CADPS: variants seen among roughly 807,000 people sequenced by gnomAD.
The protein encoded by CADPS is calcium dependent secretion activator, also known as calcium-dependent secretion activator 1.
Under a neutral mutation model 167.3 loss-of-function variants are expected in CADPS, and 57 were observed. That is an observed-to-expected ratio of 0.34 (90% CI 0.28 to 0.42). The LOEUF (loss-of-function observed/expected upper bound fraction) is 0.42. CADPS is among the 20% of genes least tolerant of loss of function. CADPS has a pLI of 1.00. For synonymous variants in CADPS, 676 were observed against 635.3 expected (o/e 1.06, Z -0.96); for missense variants, 1,414 against 1,738.1 (o/e 0.81, Z 3.32).
Position 62,484,034 on chromosome 3 carries a change from C to T in CADPS, c.3027-2165G>A, listed in dbSNP as rs1380764779. 2.0e-5 allele frequency among the ~76,000 whole-genome samples: 3 copies of T among 152,208 alleles called. No homozygotes were observed. In the South Asian group the frequency reaches 6.2e-4, roughly 32 times the overall value. ...GGCGGGTACACAAATTAGAAGCAAGCTTCATTTTGCACACAAAAATAAAAA... is the reference window on the plus strand; with the variant it reads ...GGCGGGTACACAAATTAGAAGCAAGTTTCATTTTGCACACAAAAATAAAAA... On this transcript the variant is annotated intron_variant, in intron 21 of 29. Transcript: ENST00000383710.
At chr3:62,473,269 G>T (rs2060847281) in intron 24 of CADPS, among the ~76,000 whole-genome samples, 1 of 152,080 alleles carries the variant, frequency 6.6e-6, no homozygotes, top group African/African-American at 2.4e-5. Context: ...GGGGAAACAA[G>T]GTTGAAGATG....
intron 22 of CADPS, among the ~76,000 whole-genome samples, chr3:62,479,923 A>G (rs2061780572): frequency 6.6e-6 from 1 of 152,174 alleles, no homozygotes; most frequent in Non-Finnish European, 1.5e-5. Flanking sequence ...AACTTTGTCT[A>G]GTCTAAGCCC....
intron 3 of CADPS, among the ~76,000 whole-genome samples, chr3:62,744,371 G>C (rs2080993676): frequency 6.6e-6 from 1 of 151,516 alleles, no homozygotes; most frequent in Non-Finnish European, 1.5e-5. Context: ...AAAAAAAAAG[G>C]ATTGAAACAC....
intron 3 of CADPS, among the ~76,000 whole-genome samples, chr3:62,729,080 C>A (rs1418767667): frequency 3.3e-5 from 5 of 151,912 alleles, no homozygotes; most frequent in African/African-American, 1.2e-4. Context: ...TTGTATTTAA[C>A]CCCTTGGCCT....
Position 62,465,847 on chromosome 3 carries a change from C to G in CADPS, c.3553-397G>C, listed in dbSNP as rs1279823439. ...TATTTTATCAGTAATTTGGGGGAAACAGAAGTTTAGCACTGGCAAATATAA... is the reference window on the plus strand; with the variant it reads ...TATTTTATCAGTAATTTGGGGGAAAGAGAAGTTTAGCACTGGCAAATATAA... On this transcript the variant is annotated intron_variant, in intron 25 of 29. Transcript: ENST00000383710. The surrounding 1 kb of genome is among the most constrained non-coding windows in gnomAD (Gnocchi z 4.1). Among the ~76,000 whole-genome samples, 2 of 152,184 alleles carry G rather than the reference C, an allele frequency of 1.3e-5. No individual in the cohort carries two copies. Among genetic ancestry groups the G allele is most frequent in the Non-Finnish European group, 2.9e-5 (2 of 68,032 alleles).
intron 7 of CADPS, 47 bp from the exon 8 acceptor site, chr3:62,585,371 T>C: frequency 6.4e-7 from 1 of 1,574,558 alleles, no homozygotes; most frequent in South Asian, 1.2e-5. Context: ...AGCACCATTA[T>C]GTTTTTATAG....
intron 6 of CADPS, among the ~76,000 whole-genome samples, chr3:62,627,316 T>C (rs1029111528): frequency 1.3e-5 from 2 of 152,194 alleles, no homozygotes; most frequent in Admixed American, 6.6e-5. Flanking sequence ...AAATCTCTCT[T>C]TTTAATTTTC....
At chr3:62,672,948 T>C (rs2075790305) in intron 3 of CADPS, among the ~76,000 whole-genome samples, 1 of 152,170 alleles carries the variant, frequency 6.6e-6, no homozygotes, top group African/African-American at 2.4e-5. Flanking sequence ...CAGTAAATCA[T>C]TAACCCAAAG....
chr3:62,700,666 C>G (rs1312440277), intron 3 of CADPS, among the ~76,000 whole-genome samples: 4 of 152,078 alleles, frequency 2.6e-5, no homozygotes, highest in Non-Finnish European at 2.9e-5. Flanking sequence ...TGCACTTGCA[C>G]TTCACGTGCT....
chr3:62,855,091 A>ATTTTTATTT (rs1553773514), intron 1 of CADPS, among the ~76,000 whole-genome samples: 1 of 92,702 alleles, frequency 1.1e-5, no homozygotes, highest in Non-Finnish European at 2.2e-5. Flanking sequence ...TGCCCGGCTA[A>ATTTTTATTT]TTTTTTTTTT....
chr3:62,744,122 A>G (rs1339641333), intron 3 of CADPS, among the ~76,000 whole-genome samples: 1 of 152,160 alleles, frequency 6.6e-6, no homozygotes, highest in Non-Finnish European at 1.5e-5. Context: ...ATGTAGGTAC[A>G]AATGTCTGCT....
At chr3:62,843,925 T>A (rs879465670) in intron 1 of CADPS, among the ~76,000 whole-genome samples, 1 of 152,056 alleles carries the variant, frequency 6.6e-6, no homozygotes, top group East Asian at 1.9e-4. Context: ...TGTAAAAAGA[T>A]CAATACTTTA....
At chr3:62,402,818 C>T (rs1034546254) in intron 29 of CADPS, among the ~76,000 whole-genome samples, 2 of 152,226 alleles carry the variant, frequency 1.3e-5, no homozygotes, top group South Asian at 2.1e-4. Flanking sequence ...GACACGATGG[C>T]CTCTGCCGTA....
chr3:62,729,045 T>G (rs1376524970), intron 3 of CADPS, among the ~76,000 whole-genome samples: 1 of 151,958 alleles, frequency 6.6e-6, no homozygotes, highest in Non-Finnish European at 1.5e-5. Context: ...GCATAAATGC[T>G]AATCCTTTCT....
chr3:62,751,834 T>C (rs1175103898), intron 3 of CADPS, among the ~76,000 whole-genome samples: 1 of 152,186 alleles, frequency 6.6e-6, no homozygotes, highest in African/African-American at 2.4e-5. Context: ...GAGGGTAAAA[T>C]GAGTCGGATT....
rs578144494 is a variant in CADPS at position 62,450,478 on chromosome 3, T to A, written c.3637-4681A>T. 2.0e-5 allele frequency among the ~76,000 whole-genome samples: 3 copies of A among 152,306 alleles called. No homozygotes were observed. In the East Asian group the frequency reaches 5.8e-4, roughly 29 times the overall value. ...CATCCCTCCTGAGCAGGTTCTCAAC[T>A]GCCCTCAAAGGGAGGCAAGAACTGT... On this transcript the variant is annotated intron_variant, in intron 26 of 29. Transcript: ENST00000383710.
rs745864131 is a variant in CADPS, at chr3:62,512,786, CACA to C, written c.2582-21_2582-19del. 10 of 1,600,904 alleles carry C rather than the reference CACA, an allele frequency of 6.2e-6. No homozygotes were observed. In the Admixed American group the frequency reaches 6.7e-5, roughly 11 times the overall value. ...TTGATTCTCTATTTGAAAGAGAGAG[CACA>C]ACAAGGAGAGAAGAGAGAGAAACAA... On this transcript the variant is annotated intron_variant, in intron 16 of 29. Transcript: ENST00000383710.
intron 1 of CADPS, among the ~76,000 whole-genome samples, chr3:62,791,998 C>G (rs2152740567): frequency 6.6e-6 from 1 of 152,270 alleles, no homozygotes; most frequent in Non-Finnish European, 1.5e-5. Flanking sequence ...CTTAAACCAC[C>G]TGGACCTTTG....
At chr3:62,757,649 A>C (rs1206119207) in intron 2 of CADPS, among the ~76,000 whole-genome samples, 1 of 152,142 alleles carries the variant, frequency 6.6e-6, no homozygotes, top group Non-Finnish European at 1.5e-5. Context: ...GTAAGAAATA[A>C]AGATGTTGGC....
Sources: allele counts gnomAD v4.1 joint callset (sites outside exome capture counted in the v4.1 genomes callset), GRCh38; gene constraint gnomAD v4.1.1; non-coding constraint Gnocchi (gnomAD v3.1); transcripts MANE v1.5; gene names NCBI Gene and HGNC (gene_info 2026-07-23, HGNC 2026-07-21).